Variants in L3MBTL1 observed in about 807,000 individuals in gnomAD.
L3MBTL1 encodes lethal(3)malignant brain tumor-like protein 1.
A neutral mutation model predicts 105.3 loss-of-function variants in L3MBTL1; 75 were observed. The observed-to-expected ratio is 0.71, with a 90% CI of 0.59 to 0.86. L3MBTL1 has a LOEUF of 0.86. Among genes scored for constraint, L3MBTL1 ranks in the 40% least tolerant of loss-of-function variants. The pLI is 0.00. For synonymous variants in L3MBTL1, 452 were observed against 436.2 expected (o/e 1.04, Z -0.45); for missense variants, 1,069 against 1,126.4 (o/e 0.95, Z 0.73).
chr20:43,541,190 C>T lies in L3MBTL1; in HGVS notation c.*62C>T. 6.4e-7 allele frequency: 1 copy of T among 1,569,124 alleles called. No individual in the cohort carries two copies. Among genetic ancestry groups the T allele is most frequent in the Non-Finnish European group, 8.7e-7 (1 of 1,154,766 alleles). ...TAATTAAAGTGTATTTTGAATGACA[C>T]AGATATTGTGATTTACTGCAAGGAT... On this transcript the variant is annotated 3_prime_UTR_variant, in exon 22 of 22. Coordinates refer to ENST00000418998, the MANE Select transcript of L3MBTL1 (RefSeq NM_001377303.1).
At chr20:43,544,541 A>G (rs1279687722), downstream of L3MBTL1, among the ~76,000 whole-genome samples, 1 of 152,178 alleles carries the variant, frequency 6.6e-6, no homozygotes, top group African/African-American at 2.4e-5. Flanking sequence ...ACCTAGTCTC[A>G]GACTGCCAGA....
rs185800529 is a variant in L3MBTL1, at chr20:43,514,994, A to T, written c.503-15A>T. 1.2e-6 allele frequency: 2 copies of T among 1,611,742 alleles called. No individual in the cohort carries two copies. The highest frequency in any genetic ancestry group is 2.7e-5 in the African/African-American group (2 of 74,880). ...CGATGGGGAGGGAGGCCTGAGGCCC[A>T]TTTGGCCCCCGCAGAGGACCACCCC... is the stretch of plus-strand genomic sequence containing the variant. On this transcript the variant is annotated splice_polypyrimidine_tract_variant and intron_variant, in intron 4 of 21. Transcript: ENST00000418998.
chr20:43,513,821 T>C lies in L3MBTL1; in HGVS notation c.137-17T>C, dbSNP rs114595516. 8.8e-4 allele frequency: 1,367 copies of C among 1,550,178 alleles called. 10 individuals are homozygous for C. The African/African-American group carries it at 0.015, about 17-fold the overall frequency. ...TAGACTCACCTGTGTCGTGTCTATTTGTATATCTGTTTACAGCCAGTTCGG... is the reference window on the plus strand; with the variant it reads ...TAGACTCACCTGTGTCGTGTCTATTCGTATATCTGTTTACAGCCAGTTCGG... On this transcript the variant is annotated splice_polypyrimidine_tract_variant and intron_variant, in intron 2 of 21. Transcript: ENST00000418998.
rs1856477488 is a variant in L3MBTL1 at position 43,541,150 on chromosome 20, A to G, written c.*22A>G. ...TTAAAGTGTACTTTTTTCCCCTTTA[A>G]TCCAATATAGTTGATAATTAAAGTG... On this transcript the variant is annotated 3_prime_UTR_variant, in exon 22 of 22. Transcript: ENST00000418998. 1 of 1,606,096 alleles carries G rather than the reference A, an allele frequency of 6.2e-7. No homozygotes were observed. The highest frequency in any genetic ancestry group is 1.3e-5 in the African/African-American group (1 of 74,750).
intron 7 of L3MBTL1, among the ~76,000 whole-genome samples, chr20:43,521,939 A>G (rs1419613656): frequency 3.9e-5 from 6 of 152,240 alleles, no homozygotes; most frequent in Non-Finnish European, 8.8e-5. Flanking sequence ...AAGATGAGCA[A>G]AAGAACAGAT....
At chr20:43,513,750 T>G (rs2018205426) in intron 2 of L3MBTL1, 88 bp from the exon 3 acceptor site, 1 of 1,536,292 alleles carries the variant, frequency 6.5e-7, no homozygotes, top group East Asian at 2.5e-5. Context: ...CCACCTGCCT[T>G]CCTTCACATG....
rs779816432 is a variant in L3MBTL1, at chr20:43,536,264, C to G, written c.2093C>G (p.Ser698Cys). The G allele has an allele frequency of 6.2e-7, 1 of 1,612,232 alleles. No individual in the cohort carries two copies. Among genetic ancestry groups the G allele is most frequent in the South Asian group, 1.1e-5 (1 of 90,950 alleles). The change falls in exon 18 of 22, where the codon TCC (serine) becomes TGC (cysteine). Residue 698 changes from serine to cysteine, a missense_variant. By Grantham distance (112) the Ser-to-Cys change is moderately radical (BLOSUM62 -1). Coordinates refer to ENST00000418998, the MANE Select transcript of L3MBTL1 (RefSeq NM_001377303.1). Reference sequence around the variant, plus strand: ...CGCAAGAAGAACCTCTCAGGCTTCTCCCCAAGGAAGAAGCCTCGCCATCAC... The same window carrying G: ...CGCAAGAAGAACCTCTCAGGCTTCTGCCCAAGGAAGAAGCCTCGCCATCAC... ...SARKKNLSGF[S>C]PRKKPRHHGR...
intron 7 of L3MBTL1, chr20:43,523,556 C>T (rs1016132631): frequency 3.9e-6 from 1 of 256,562 alleles, no homozygotes; most frequent in Non-Finnish European, 7.8e-6. Context: ...CACTAGTGGA[C>T]CAGTATCCTG....
chr20:43,534,927 C>T lies in L3MBTL1; in HGVS notation c.1810C>T (p.Leu604=), dbSNP rs1330892211. 2.5e-6 allele frequency: 4 copies of T among 1,602,204 alleles called. No homozygotes were observed. The highest frequency in any genetic ancestry group is 3.4e-6 in the Non-Finnish European group (4 of 1,177,634). The change falls in exon 16 of 22, where the codon CTG becomes TTG. Residue 604 remains leucine, a synonymous_variant. Transcript: ENST00000418998. ...AGWCSKTGHP[L]QPPLGPREPS... is the part of the protein sequence containing the mutation. ...CTGGTGCTCCAAGACAGGACATCCC[C>T]TGCAGCCTCCTCTCGGTGTGTACCC...
chr20:43,515,947 C>T (rs1280121971), intron 6 of L3MBTL1, 146 bp from the exon 7 acceptor site: 1 of 623,880 alleles, frequency 1.6e-6, no homozygotes, highest in East Asian at 2.8e-5. Context: ...TGGAGCTGCA[C>T]TCCTGCTGGC....
downstream of L3MBTL1, among the ~76,000 whole-genome samples, chr20:43,542,241 C>T (rs1364962769): frequency 6.6e-6 from 1 of 152,196 alleles, no homozygotes; most frequent in Non-Finnish European, 1.5e-5. Context: ...GTTGGCTCTT[C>T]TTGCCCTGGA....
exon 19 of L3MBTL1, chr20:43,550,911 A>C (rs1487036703): frequency 6.6e-6 from 1 of 152,236 alleles, no homozygotes; most frequent in Non-Finnish European, 1.5e-5. Context: ...GTGATCTGTC[A>C]GTGTATCAAA....
At chr20:43,528,862 T>C in intron 8 of L3MBTL1, 117 bp downstream of exon 8, 1 of 799,746 alleles carries the variant, frequency 1.3e-6, no homozygotes, top group Non-Finnish European at 2.1e-6. Context: ...ACTGGCAGAA[T>C]GGAAAGGGAG....
chr20:43,527,320 T>G (rs76139135), intron 7 of L3MBTL1, among the ~76,000 whole-genome samples: 3,247 of 152,340 alleles, frequency 0.021, 102 homozygotes, highest in African/African-American at 0.072. Flanking sequence ...AGTTGTTACG[T>G]CTTTAGTTGT....
intron 7 of L3MBTL1, among the ~76,000 whole-genome samples, chr20:43,516,785 A>G (rs1466372777): frequency 2.0e-5 from 3 of 151,864 alleles, no homozygotes; most frequent in Non-Finnish European, 2.9e-5. Context: ...TCTTTTTTAA[A>G]ATTTTTTAAA....
chr20:43,538,681 C>T (rs2019755861), intron 19 of L3MBTL1, among the ~76,000 whole-genome samples: 1 of 152,206 alleles, frequency 6.6e-6, no homozygotes, highest in South Asian at 2.1e-4. Context: ...GTCTGACCTG[C>T]AACTGGATGG....
chr20:43,508,393 G>A (rs1333824759), intron 1 of L3MBTL1, among the ~76,000 whole-genome samples: 7 of 152,252 alleles, frequency 4.6e-5, no homozygotes, highest in Middle Eastern at 3.4e-3. Flanking sequence ...TCCCGAGTCC[G>A]GGAAGCAGCT....
rs376344612 is a variant in L3MBTL1 at position 43,530,269 on chromosome 20, C to T, written c.1057-15C>T. 5.0e-6 allele frequency: 8 copies of T among 1,613,008 alleles called. No homozygotes were observed. The highest frequency in any genetic ancestry group is 4.0e-5 in the African/African-American group (3 of 74,820). ...CTCCTGACATTGGAGTTCCTGATTC[C>T]CCTCATGGGGCCAGGTATGTGGCTA... On this transcript the variant is annotated splice_polypyrimidine_tract_variant and intron_variant, in intron 9 of 21. Transcript: ENST00000418998.
intron 16 of L3MBTL1, 130 bp from the exon 17 acceptor site, chr20:43,535,707 C>T (rs2019567588): frequency 3.2e-6 from 2 of 620,106 alleles, no homozygotes; most frequent in Admixed American, 5.5e-5. Flanking sequence ...GTGTCACAGC[C>T]AACGCAGGGC....
Sources: gnomAD v4.1 joint callset for allele counts (sites outside exome capture counted in the v4.1 genomes callset) on GRCh38, gnomAD v4.1.1 for gene constraint, MANE v1.5 for transcripts, NCBI Gene and HGNC (gene_info 2026-07-23, HGNC 2026-07-21) for gene names.